The following PARP4 variants were observed in gnomAD, a reference collection of about 807,000 sequenced individuals.
PARP4 encodes the protein protein mono-ADP-ribosyltransferase PARP4.
A neutral mutation model predicts 187.7 loss-of-function variants in PARP4; 120 were observed. That is an observed-to-expected ratio of 0.64 (90% confidence interval 0.55 to 0.74). The LOEUF (loss-of-function observed/expected upper bound fraction) is 0.74, where lower values mean the gene tolerates loss of function less well. Among genes scored for constraint, PARP4 ranks in the 30% least tolerant of loss-of-function variants. PARP4 has a pLI of 0.00. For synonymous variants in PARP4, 654 were observed against 740.9 expected (o/e 0.88, Z 1.90); for missense variants, 1,836 against 2,070.5 (o/e 0.89, Z 2.20).
At chr13:24,487,665 G>A (rs1343821056) in intron 10 of PARP4, among the ~76,000 whole-genome samples, 1 of 152,142 alleles carries the variant, frequency 6.6e-6, no homozygotes, top group Non-Finnish European at 1.5e-5. Context: ...GGCAGCTGTG[G>A]TGGGAGGAAG....
At chr13:24,428,041 A>G (rs1870146764) in intron 32 of PARP4, among the ~76,000 whole-genome samples, 1 of 152,220 alleles carries the variant, frequency 6.6e-6, no homozygotes, top group African/African-American at 2.4e-5. Flanking sequence ...GAAGAGGATA[A>G]AAGACAAAGT....
intron 30 of PARP4, among the ~76,000 whole-genome samples, chr13:24,437,154 G>A (rs1325175760): frequency 6.6e-6 from 1 of 152,058 alleles, no homozygotes; most frequent in Non-Finnish European, 1.5e-5. Context: ...AGGAAAAGGA[G>A]GAGCCATCTG....
chr13:24,494,496 T>A (rs1018582556), intron 7 of PARP4, 77 bp downstream of exon 7: 21 of 1,327,922 alleles, frequency 1.6e-5, no homozygotes, highest in Non-Finnish European at 2.2e-5. Flanking sequence ...CCTGGCCCAG[T>A]CTTTTATTTG....
Position 24,426,536 on chromosome 13 carries a change from G to A in PARP4, c.4909C>T (p.Arg1637Cys), listed in dbSNP as rs148540630. The A allele has an allele frequency of 3.9e-5, 63 of 1,610,500 alleles. No homozygotes were observed. The highest frequency in any genetic ancestry group is 5.3e-5 in the African/African-American group (4 of 74,872). ...ATTCCCTCTTTTTCCAACCTGGTGCGAATAAACTGTAGTACCAGCATTGTG... is the reference window on the plus strand; with the variant it reads ...ATTCCCTCTTTTTCCAACCTGGTGCAAATAAACTGTAGTACCAGCATTGTG... Reference protein sequence around the residue: ...IATMLVLQFIRTRLEKEGIVF... With the variant: ...IATMLVLQFICTRLEKEGIVF... The change falls in exon 33 of 34, where the codon CGC becomes TGC. Residue 1637 changes from arginine to cysteine, a missense_variant. Arg to Cys is a radical substitution (Grantham distance 180). Transcript: ENST00000381989.
In PARP4 at chr13:24,490,137, G is replaced by A. The variant is rs1394722846; in HGVS notation, c.1214+531C>T. 3.3e-5 allele frequency among the ~76,000 whole-genome samples: 5 copies of A among 152,182 alleles called. No individual in the cohort carries two copies. In the South Asian group the frequency reaches 6.2e-4, roughly 19 times the overall value. ...GACTCAGCCACGGTGACCCTCAGGG[G>A]TGCTGACACCCAGCAAGGGCTCATC... is the stretch of plus-strand genomic sequence containing the variant. On this transcript the variant is annotated intron_variant, in intron 10 of 33. Coordinates refer to ENST00000381989, the MANE Select transcript of PARP4 (RefSeq NM_006437.4).
intron 7 of PARP4, among the ~76,000 whole-genome samples, chr13:24,494,051 A>G (rs2137534176): frequency 6.6e-6 from 1 of 152,262 alleles, no homozygotes; most frequent in Non-Finnish European, 1.5e-5. Flanking sequence ...CTAGGTTGTA[A>G]AGACATCTCC....
intron 15 of PARP4, among the ~76,000 whole-genome samples, chr13:24,470,340 G>T (rs897293637): frequency 6.6e-6 from 1 of 152,170 alleles, no homozygotes; most frequent in Non-Finnish European, 1.5e-5. Context: ...CTTTCGTTTT[G>T]TGGGCTTTGA....
rs1593614119 is a variant in PARP4, at chr13:24,460,013, C to T, written c.2257G>A (p.Ala753Thr). The T allele has an allele frequency of 8.7e-6, 14 of 1,614,108 alleles. No homozygotes were observed. The highest frequency in any genetic ancestry group is 6.7e-5 in the African/African-American group (5 of 75,032). ...AAAGCCTTGTCCTGTTGCCAGGGTG[C>T]TACGGTGGCGGGCATGAAAAAGACA... The part of the protein sequence containing the change: ...VGVFFMPATV[A>T]PWQQDKALNE... Residue 753 changes from alanine (A) to threonine (T), a missense_variant, in exon 18 of 34, where the codon GCA becomes ACA. This residue lies in a region of PARP4 where 1,147 missense variants were observed against 1,214.2 expected (regional missense o/e 0.94). Coordinates refer to ENST00000381989, the MANE Select transcript of PARP4 (RefSeq NM_006437.4).
chr13:24,487,287 C>CTTATTT (rs572521732), intron 10 of PARP4, among the ~76,000 whole-genome samples: 16,217 of 150,716 alleles, frequency 0.11, 951 homozygotes, highest in African/African-American at 0.12. Context: ...GATCAAATAC[C>CTTATTT]TTAAGTGCTG....
At chr13:24,492,008 C>G (rs1471598840) in intron 9 of PARP4, among the ~76,000 whole-genome samples, 1 of 152,192 alleles carries the variant, frequency 6.6e-6, no homozygotes, top group African/African-American at 2.4e-5. Flanking sequence ...GGCTGGGACC[C>G]TGATAACACT....
chr13:24,458,749 G>A (rs185046605), intron 20 of PARP4, among the ~76,000 whole-genome samples: 27 of 152,244 alleles, frequency 1.8e-4, no homozygotes, highest in African/African-American at 6.0e-4. Context: ...AGAGCTACAC[G>A]TCCAACTTCC....
At position 24,493,745 on chromosome 13, in the gene PARP4, A is replaced by G; in HGVS notation, c.742-12T>C. 1 of 1,612,852 alleles carries G rather than the reference A, an allele frequency of 6.2e-7. No individual in the cohort carries two copies. The highest frequency in any genetic ancestry group is 1.1e-5 in the South Asian group (1 of 90,928). On this transcript the variant is annotated splice_polypyrimidine_tract_variant and intron_variant, in intron 7 of 33. Transcript: ENST00000381989. ...TCCTCCAAAAGCAACTACAATAATA[A>G]AATAGAAATGCCACCAAAAAGTCAT...
rs1872049647 is a variant in PARP4 at position 24,459,107 on chromosome 13, CAT to C, written c.2359_2360del (p.Met787ValfsTer3). On this transcript the variant is annotated frameshift_variant, in exon 20 of 34. Coordinates refer to ENST00000381989, the MANE Select transcript of PARP4 (RefSeq NM_006437.4). LOFTEE classifies it high-confidence loss of function. ...IGTKQSFSLTMSIEMPYVIEF... is the reference protein window; with the variant it reads ...IGTKQSFSLTXSIEMPYVIEF... ...CAATCACATACGGCATCTCAATAGA[CAT>C]AGTCAAAGAGAAGCTAGCAAAAATG... 3 of 1,608,398 alleles carry C rather than the reference CAT, an allele frequency of 1.9e-6. No homozygotes were observed. Among genetic ancestry groups the C allele is most frequent in the Non-Finnish European group, 1.7e-6 (2 of 1,176,244 alleles).
At chr13:24,475,311 G>C (rs1462898708) in intron 15 of PARP4, among the ~76,000 whole-genome samples, 161 bp downstream of exon 15, 1 of 152,262 alleles carries the variant, frequency 6.6e-6, no homozygotes, top group African/African-American at 2.4e-5. Flanking sequence ...GATGCTCAGA[G>C]CCTAGCTAGT....
At chr13:24,471,382 T>C (rs1379455959) in intron 15 of PARP4, among the ~76,000 whole-genome samples, 1 of 152,186 alleles carries the variant, frequency 6.6e-6, no homozygotes, top group Non-Finnish European at 1.5e-5. Context: ...TCTCTTTGCA[T>C]ATCACACTGT....
At chr13:24,509,782 C>T (rs1869899671) in intron 1 of PARP4, among the ~76,000 whole-genome samples, 1 of 151,958 alleles carries the variant, frequency 6.6e-6, no homozygotes, top group Admixed American at 6.5e-5. Context: ...TCACTGCAAC[C>T]TTCTGCCTCC....
At chr13:24,458,277 T>C (rs1281404058) in intron 20 of PARP4, among the ~76,000 whole-genome samples, 1 of 152,012 alleles carries the variant, frequency 6.6e-6, no homozygotes, top group Non-Finnish European at 1.5e-5. Flanking sequence ...ACCCGGCTAA[T>C]TTTTTGTATT....
intron 6 of PARP4, 63 bp from the exon 7 acceptor site, chr13:24,494,785 T>C: frequency 3.4e-6 from 4 of 1,182,708 alleles, no homozygotes; most frequent in Non-Finnish European, 3.6e-6. Context: ...TTATTGAACA[T>C]AAATAAAGCA....
chr13:24,454,096 CAAAA>C (rs55858438), intron 22 of PARP4, among the ~76,000 whole-genome samples: 1 of 101,886 alleles, frequency 9.8e-6, no homozygotes, highest in Non-Finnish European at 2.1e-5. Flanking sequence ...GACTCTGTCT[CAAAA>C]AAAAAAAAAA....
Sources: allele counts gnomAD v4.1 joint callset (sites outside exome capture counted in the v4.1 genomes callset), GRCh38; gene constraint gnomAD v4.1.1; regional missense constraint gnomAD v4.1.1; transcripts MANE v1.5; gene names NCBI Gene and HGNC (gene_info 2026-07-23, HGNC 2026-07-21).